Variants in FHOD3 observed in about 807,000 individuals in gnomAD.
FHOD3 encodes FH1/FH2 domain-containing protein 3.
FHOD3 carries 90 observed loss-of-function variants against 173.0 expected under a neutral mutation model. The observed-to-expected ratio is 0.52, with a 90% CI of 0.44 to 0.62. The LOEUF (loss-of-function observed/expected upper bound fraction) is 0.62. Among genes scored for constraint, FHOD3 ranks in the 20% least tolerant of loss-of-function variants. FHOD3 has a pLI of 0.00. For missense variants in FHOD3, 1,945 were observed against 2,034.7 expected, an observed-to-expected ratio of 0.96 and a Z score of 0.85; for synonymous variants, 828 against 823.0, an observed-to-expected ratio of 1.01 and a Z score of -0.10.
intron 2 of FHOD3, among the ~76,000 whole-genome samples, chr18:36,364,347 C>T (rs1325705121): frequency 6.6e-6 from 1 of 152,140 alleles, no homozygotes; most frequent in East Asian, 1.9e-4. Context: ...CCACTCTTAC[C>T]ATCTCATCTG....
chr18:36,316,876 C>G (rs1247070275), intron 1 of FHOD3, among the ~76,000 whole-genome samples: 1 of 152,220 alleles, frequency 6.6e-6, no homozygotes, highest in Admixed American at 6.5e-5. Context: ...TCCCACAGCC[C>G]CCCCACCCCC....
intron 5 of FHOD3, among the ~76,000 whole-genome samples, chr18:36,565,503 C>G (rs375562813): frequency 1.5e-4 from 23 of 152,322 alleles, no homozygotes; most frequent in African/African-American, 5.5e-4. Flanking sequence ...GTATCCCCAT[C>G]TTCATTCCCA....
chr18:36,731,672 C>G (rs1013032975), intron 20 of FHOD3, among the ~76,000 whole-genome samples: 3 of 152,200 alleles, frequency 2.0e-5, no homozygotes, highest in African/African-American at 7.2e-5. Context: ...TGGGCATGGA[C>G]AGAACCAATG....
chr18:36,489,879 C>T (rs898328100), intron 3 of FHOD3, among the ~76,000 whole-genome samples: 2 of 152,152 alleles, frequency 1.3e-5, no homozygotes, highest in South Asian at 2.1e-4. Flanking sequence ...GGGAGGAGGG[C>T]GGTTGGCCAA....
chr18:36,535,081 A>G (rs924419939), intron 5 of FHOD3, among the ~76,000 whole-genome samples: 1 of 152,216 alleles, frequency 6.6e-6, no homozygotes, highest in African/African-American at 2.4e-5. Context: ...ACACATTTTC[A>G]GATTTAAAAA....
At chr18:36,602,542 T>C (rs1265240500) in intron 7 of FHOD3, 132 bp from the exon 8 acceptor site, 1 of 736,872 alleles carries the variant, frequency 1.4e-6, no homozygotes, top group African/African-American at 1.8e-5. Context: ...AAGGATAATG[T>C]CACACTTTGA....
At chr18:36,535,168 A>G (rs975437642) in intron 5 of FHOD3, among the ~76,000 whole-genome samples, 2 of 152,306 alleles carry the variant, frequency 1.3e-5, no homozygotes, top group Admixed American at 6.5e-5. Context: ...GCTTATATGC[A>G]AGGCTCCATG....
chr18:36,505,315 A>G (rs1266360217), intron 4 of FHOD3, among the ~76,000 whole-genome samples: 2 of 152,252 alleles, frequency 1.3e-5, no homozygotes, highest in Admixed American at 1.3e-4. Context: ...CGTAAGTGTG[A>G]ACTGTCTTAC....
chr18:36,565,081 C>T (rs546918017), intron 5 of FHOD3, among the ~76,000 whole-genome samples: 12 of 152,144 alleles, frequency 7.9e-5, no homozygotes, highest in South Asian at 4.2e-4. Context: ...AAAACTGGAC[C>T]GGAGCTTGTT....
chr18:36,423,985 T>C (rs11081949), intron 3 of FHOD3, among the ~76,000 whole-genome samples: 116,313 of 152,106 alleles, frequency 0.76, 45,054 homozygotes, highest in East Asian at 0.93. Context: ...TTTGCTGGTA[T>C]AATTTTGTTT....
intron 3 of FHOD3, among the ~76,000 whole-genome samples, chr18:36,442,798 A>T (rs2051229165): frequency 6.6e-6 from 1 of 152,188 alleles, no homozygotes; most frequent in Admixed American, 6.5e-5. Flanking sequence ...TGTCTCACTA[A>T]TGCCCTTTTT....
intron 3 of FHOD3, among the ~76,000 whole-genome samples, chr18:36,430,977 A>G (rs1321511557): frequency 6.6e-6 from 1 of 152,212 alleles, no homozygotes; most frequent in Non-Finnish European, 1.5e-5. Context: ...TACAACTTCA[A>G]GCGATACAAA....
chr18:36,682,097 C>G lies in FHOD3; in HGVS notation c.1970+527C>G, dbSNP rs192459798. ...CGATCTCCTGGTCTCTGTACAGCTTCAAGGATGTGTTCCTGGCTATAGCTC... is the reference window on the plus strand; with the variant it reads ...CGATCTCCTGGTCTCTGTACAGCTTGAAGGATGTGTTCCTGGCTATAGCTC... On this transcript the variant is annotated intron_variant, in intron 15 of 28. Coordinates refer to ENST00000590592, the MANE Select transcript of FHOD3 (RefSeq NM_001281740.3). 2.9e-4 allele frequency among the ~76,000 whole-genome samples: 44 copies of G among 152,286 alleles called. 1 individual carries two copies. Among genetic ancestry groups the G allele is most frequent in the Middle Eastern group, 6.8e-3 (2 of 294 alleles).
At chr18:36,447,792 AT>A (rs1430550760) in intron 3 of FHOD3, among the ~76,000 whole-genome samples, 2 of 152,258 alleles carry the variant, frequency 1.3e-5, no homozygotes, top group Non-Finnish European at 2.9e-5. Flanking sequence ...AATTGTTAAC[AT>A]TAATAGTGTA....
At chr18:36,422,066 C>T (rs556119827) in intron 3 of FHOD3, among the ~76,000 whole-genome samples, 2 of 152,302 alleles carry the variant, frequency 1.3e-5, no homozygotes, top group Admixed American at 6.5e-5. Context: ...GAGAAGTACA[C>T]AGTGATTTAT....
intron 2 of FHOD3, among the ~76,000 whole-genome samples, chr18:36,363,163 G>A (rs2046718216): frequency 6.6e-6 from 1 of 152,222 alleles, no homozygotes; most frequent in Admixed American, 6.5e-5. Context: ...TGGCAAAGAT[G>A]TGGAGCAACA....
intron 19 of FHOD3, among the ~76,000 whole-genome samples, chr18:36,724,038 G>T (rs890266534): frequency 6.6e-6 from 1 of 152,174 alleles, no homozygotes; most frequent in Non-Finnish European, 1.5e-5. Context: ...TTGCATGATG[G>T]TCACTCTTTT....
chr18:36,661,166 C>T (rs1173157272), intron 14 of FHOD3, among the ~76,000 whole-genome samples: 1 of 151,468 alleles, frequency 6.6e-6, no homozygotes, highest in Non-Finnish European at 1.5e-5. Flanking sequence ...CCAAATCATA[C>T]TTGTGCACCA....
chr18:36,735,348 G>A (rs1335701991), intron 20 of FHOD3, among the ~76,000 whole-genome samples: 1 of 152,206 alleles, frequency 6.6e-6, no homozygotes, highest in African/African-American at 2.4e-5. Context: ...AGTCACAGTT[G>A]ACTTAGCAGT....
Sources: allele counts gnomAD v4.1 joint callset (sites outside exome capture counted in the v4.1 genomes callset), GRCh38; gene constraint gnomAD v4.1.1; transcripts MANE v1.5; gene names NCBI Gene and HGNC (gene_info 2026-07-23, HGNC 2026-07-21).